The following DIAPH1 variants were observed in gnomAD, a reference collection of about 807,000 sequenced individuals.
The protein encoded by DIAPH1 is diaphanous related formin 1.
Under a neutral mutation model 140.7 loss-of-function variants are expected in DIAPH1, and 46 were observed. The observed-to-expected ratio is 0.33, with a 90% CI of 0.26 to 0.42. The LOEUF is 0.42. DIAPH1 is among the 10% of genes least tolerant of loss of function. DIAPH1 has a pLI of 1.00. For synonymous variants in DIAPH1, 565 were observed against 551.6 expected (o/e 1.02, Z -0.34); for missense variants, 1,310 against 1,558.7 (o/e 0.84, Z 2.69).
chr5:141,605,487 AC>A (rs1348925177), intron 1 of DIAPH1, among the ~76,000 whole-genome samples: 1 of 152,226 alleles, frequency 6.6e-6, no homozygotes, highest in Non-Finnish European at 1.5e-5. Context: ...TCATCCAATT[AC>A]CATAGGCAAA....
At chr5:141,593,202 G>A (rs1213916422) in intron 1 of DIAPH1, among the ~76,000 whole-genome samples, 1 of 152,150 alleles carries the variant, frequency 6.6e-6, no homozygotes, top group Non-Finnish European at 1.5e-5. Context: ...AGGAGGGGGA[G>A]GCTAAAAATA....
chr5:141,555,174 G>A (rs945406331), intron 18 of DIAPH1, among the ~76,000 whole-genome samples: 17 of 152,142 alleles, frequency 1.1e-4, no homozygotes, highest in Non-Finnish European at 2.4e-4. Flanking sequence ...ATACAGCACA[G>A]GCAAAGACTA....
chr5:141,578,966 A>T, intron 9 of DIAPH1, 122 bp downstream of exon 9: 2 of 832,238 alleles, frequency 2.4e-6, no homozygotes, highest in Admixed American at 3.5e-5. Flanking sequence ...TTCATAACAG[A>T]TTCTGAAATG....
intron 18 of DIAPH1, chr5:141,536,197 G>C (rs921242404): frequency 4.7e-5 from 14 of 297,270 alleles, no homozygotes; most frequent in Non-Finnish European, 9.1e-5. Context: ...TGCTACTCAG[G>C]AGGTTGACGT....
At chr5:141,519,039 C>T (rs1186070955) in intron 27 of DIAPH1, 2 of 1,523,862 alleles carry the variant, frequency 1.3e-6, no homozygotes, top group African/African-American at 2.8e-5. Flanking sequence ...GACTGACAGC[C>T]ACAGGACTTA....
intron 3 of DIAPH1, among the ~76,000 whole-genome samples, chr5:141,584,691 C>T (rs992659823): frequency 1.3e-5 from 2 of 152,126 alleles, no homozygotes; most frequent in African/African-American, 4.8e-5. Flanking sequence ...AAACTCCTTT[C>T]CCACGAAGAA....
chr5:141,583,858 T>C (rs552049313), intron 4 of DIAPH1, among the ~76,000 whole-genome samples: 1 of 152,250 alleles, frequency 6.6e-6, no homozygotes, highest in East Asian at 1.9e-4. Flanking sequence ...TCAGGGCAGA[T>C]ACCCATCTCA....
At chr5:141,554,641 G>A (rs1033211976) in intron 18 of DIAPH1, among the ~76,000 whole-genome samples, 1 of 151,934 alleles carries the variant, frequency 6.6e-6, no homozygotes, top group African/African-American at 2.4e-5. Flanking sequence ...CATAAACACA[G>A]GCACAAAATT....
chr5:141,594,848 C>T (rs1241335605), intron 1 of DIAPH1, among the ~76,000 whole-genome samples: 1 of 150,558 alleles, frequency 6.6e-6, no homozygotes, highest in Non-Finnish European at 1.5e-5. Context: ...TGAGACCAGC[C>T]TGGCCAACGT....
At chr5:141,566,464 AT>A (rs2099894385) in intron 18 of DIAPH1, among the ~76,000 whole-genome samples, 1 of 152,198 alleles carries the variant, frequency 6.6e-6, no homozygotes. Flanking sequence ...ATGTCATAAG[AT>A]TTGAAATTGT....
Position 141,516,725 on chromosome 5 carries a change from A to G in DIAPH1, c.*126T>C. On this transcript the variant is annotated 3_prime_UTR_variant, in exon 28 of 28. Transcript: ENST00000389054. ...TTGAGAGAGCAGCAGGCCAGAGAGA[A>G]AGACAGGGTCAGGGTGGTGGGAGTG... 1 of 1,025,542 alleles carries G rather than the reference A, an allele frequency of 9.8e-7. No individual in the cohort carries two copies. The highest frequency in any genetic ancestry group is 1.5e-6 in the Non-Finnish European group (1 of 675,124). The allele number at this position is 1,025,542 out of a possible 1,614,324, so 63.5% of individuals were successfully genotyped here.
chr5:141,535,859 T>C (rs1414857714), intron 18 of DIAPH1, among the ~76,000 whole-genome samples: 1 of 152,226 alleles, frequency 6.6e-6, no homozygotes, highest in African/African-American at 2.4e-5. Context: ...AATGGGGTGT[T>C]TGAACACGAC....
intron 18 of DIAPH1, among the ~76,000 whole-genome samples, chr5:141,552,709 A>G (rs1362428517): frequency 6.6e-6 from 1 of 152,218 alleles, no homozygotes; most frequent in Non-Finnish European, 1.5e-5. Flanking sequence ...ATGGAAATTA[A>G]GTACTTCAAA....
chr5:141,591,121 T>TC (rs1248184177), intron 1 of DIAPH1, among the ~76,000 whole-genome samples: 1 of 152,046 alleles, frequency 6.6e-6, no homozygotes, highest in Admixed American at 6.6e-5. Flanking sequence ...CACCTCAGAC[T>TC]CCATCTTCGT....
intron 19 of DIAPH1, among the ~76,000 whole-genome samples, chr5:141,530,008 CAGG>C (rs887217905): frequency 3.3e-5 from 5 of 152,084 alleles, no homozygotes; most frequent in African/African-American, 1.2e-4. Context: ...CACCTGAGCC[CAGG>C]AGGTCAAGGT....
chr5:141,529,749 C>T (rs1198823355), intron 19 of DIAPH1, 52 bp from the exon 20 acceptor site: 6 of 1,488,186 alleles, frequency 4.0e-6, no homozygotes, highest in East Asian at 2.3e-5. Context: ...GTTCCCGCTT[C>T]CAACCCATCC....
chr5:141,573,952 AAAG>A lies in DIAPH1; in HGVS notation c.1895_1897del (p.Ser632del), dbSNP rs1361907715. 8.4e-6 allele frequency: 13 copies of A among 1,548,054 alleles called. No homozygotes were observed. Among genetic ancestry groups the A allele is most frequent in the Non-Finnish European group, 1.1e-5 (13 of 1,146,552 alleles). On this transcript the variant is annotated inframe_deletion, in exon 16 of 28. Transcript: ENST00000389054. ...TGGAGAGATAGCAGTACCTCCAGGT[AAAG>A]AAGGGGGTGAGGAGATGCAAACACC... is the stretch of plus-strand genomic sequence containing the variant.
rs75805101 is a variant in DIAPH1, at chr5:141,618,065, A to G, written c.117+733T>C. Among the ~76,000 whole-genome samples, 757 of 152,356 alleles carry G rather than the reference A, an allele frequency of 5.0e-3. 4 individuals are homozygous for G. Among genetic ancestry groups the G allele is most frequent in the African/African-American group, 0.017 (697 of 41,580 alleles). On this transcript the variant is annotated intron_variant, in intron 1 of 27. Coordinates refer to ENST00000389054, the MANE Select transcript of DIAPH1 (RefSeq NM_005219.5). ...ACCATCCTAGGTCAAGAAGGGCACA[A>G]TCATGAGAGTTCTAATCCTCTGAAA...
At chr5:141,595,272 T>C (rs1183962472) in intron 1 of DIAPH1, among the ~76,000 whole-genome samples, 4 of 152,164 alleles carry the variant, frequency 2.6e-5, no homozygotes, top group African/African-American at 9.7e-5. Flanking sequence ...ATGTCATTCA[T>C]GGATTGTACA....
Sources: allele counts gnomAD v4.1 joint callset (sites outside exome capture counted in the v4.1 genomes callset), GRCh38; gene constraint gnomAD v4.1.1; transcripts MANE v1.5; gene names NCBI Gene and HGNC (gene_info 2026-07-23, HGNC 2026-07-21).